FAM222B: variants seen among roughly 807,000 people sequenced by gnomAD.
FAM222B encodes family with sequence similarity 222 member B, also known as protein FAM222B.
A neutral mutation model predicts 38.0 loss-of-function variants in FAM222B; 12 were observed. The ratio of observed to expected loss-of-function variants is 0.32; its 90% CI spans 0.20 to 0.51. The LOEUF (loss-of-function observed/expected upper bound fraction) is 0.51. Among genes scored for constraint, FAM222B ranks in the 20% least tolerant of loss-of-function variants. FAM222B has a pLI of 0.97. For synonymous variants in FAM222B, 329 were observed against 317.2 expected, an observed-to-expected ratio of 1.04 and a Z score of -0.40; for missense variants, 716 against 754.2, an observed-to-expected ratio of 0.95 and a Z score of 0.59.
intron 1 of FAM222B, among the ~76,000 whole-genome samples, chr17:28,841,405 C>T (rs1326544237): frequency 6.6e-6 from 1 of 152,226 alleles, no homozygotes; most frequent in African/African-American, 2.4e-5. Context: ...GACGGAGTCT[C>T]GCACTGTCAC....
chr17:28,839,402 C>T lies in FAM222B; in HGVS notation c.-41+3280G>A, dbSNP rs2038958327. 3.9e-5 allele frequency among the ~76,000 whole-genome samples: 6 copies of T among 152,056 alleles called. No individual in the cohort carries two copies. In the South Asian group the frequency reaches 1.2e-3, roughly 32 times the overall value. The stretch of plus-strand genomic sequence containing the variant: ...GAAAGAAATCCTCATTTTGTAAGGT[C>T]ATTTACTACATAAAAGTAACCACAA... On this transcript the variant is annotated intron_variant, in intron 1 of 2. Transcript: ENST00000581407.
intron 1 of FAM222B, among the ~76,000 whole-genome samples, chr17:28,835,024 T>TTATGTG (rs1167023679): frequency 2.3e-5 from 3 of 132,010 alleles, no homozygotes; most frequent in Admixed American, 1.6e-4. Flanking sequence ...TCAGCTAATT[T>TTATGTG]TGTGTGTGTG....
intron 1 of FAM222B, among the ~76,000 whole-genome samples, chr17:28,786,550 T>G (rs1351515819): frequency 6.6e-6 from 1 of 152,188 alleles, no homozygotes; most frequent in Non-Finnish European, 1.5e-5. Context: ...AACCCTGACT[T>G]TAAGCCTACT....
intron 1 of FAM222B, among the ~76,000 whole-genome samples, chr17:28,813,022 CGGGGGGGGGGGGGG>C (rs71359255): frequency 2.2e-3 from 2 of 894 alleles, no homozygotes; most frequent in South Asian, 0.014. Context: ...AGAAATTAAG[CGGGGGGGGGGGGGG>C]GGGGGAGGGG....
intron 1 of FAM222B, among the ~76,000 whole-genome samples, chr17:28,800,853 G>GGA: frequency 9.0e-6 from 1 of 111,056 alleles, no homozygotes; most frequent in South Asian, 3.0e-4. Flanking sequence ...ACATTTTGTT[G>GGA]AAAAAAAAAA....
chr17:28,817,033 A>C (rs2151938716), intron 1 of FAM222B, among the ~76,000 whole-genome samples: 1 of 152,160 alleles, frequency 6.6e-6, no homozygotes, highest in South Asian at 2.1e-4. Context: ...ATTCTATTAG[A>C]CCCCAGAGAC....
Position 28,789,898 on chromosome 17 carries a change from T to C in FAM222B, c.-40-23191A>G, listed in dbSNP as rs142498246. Among the ~76,000 whole-genome samples, 1,166 of 152,268 alleles carry C rather than the reference T, an allele frequency of 7.7e-3. 9 individuals carry two copies. The highest frequency in any genetic ancestry group is 0.018 in the South Asian group (85 of 4,812). The stretch of plus-strand genomic sequence containing the variant: ...AGACAGAAGTTTACACAGTAGAAAT[T>C]AGAGAAGACATTGAGTGGGTACACT... On this transcript the variant is annotated intron_variant, in intron 1 of 2. Coordinates refer to ENST00000581407, the MANE Select transcript of FAM222B (RefSeq NM_001077498.3).
intron 1 of FAM222B, among the ~76,000 whole-genome samples, chr17:28,792,780 C>CAA (rs71135854): frequency 2.0e-3 from 241 of 122,844 alleles, no homozygotes; most frequent in African/African-American, 6.0e-3. Context: ...GGCCCTATTT[C>CAA]AAAAAAAAAA....
chr17:28,759,633 G>T lies in FAM222B; in HGVS notation c.326C>A (p.Ala109Asp). 6.2e-7 allele frequency: 1 copy of T among 1,613,030 alleles called. No individual in the cohort carries two copies. The highest frequency in any genetic ancestry group is 8.5e-7 in the Non-Finnish European group (1 of 1,179,484). ...GTCAAAGTCCTTGAGTATGCTTTTG[G>T]CTGGCACTTTGACAATGGCAAGCAG... ...AGLLAIVKVP[A>D]KSILKDFDGT... Residue 109 changes from alanine to aspartate, a missense_variant, in exon 3 of 3, where the codon GCC (alanine) becomes GAC (aspartate). Physicochemically the swap from Ala to Asp is moderately radical, Grantham distance 126. Transcript: ENST00000581407. This position sits in a 1 kb window ranked among gnomAD's most constrained non-coding sequence, Gnocchi z 4.8.
At chr17:28,778,071 T>C (rs2035975807) in intron 1 of FAM222B, among the ~76,000 whole-genome samples, 1 of 151,718 alleles carries the variant, frequency 6.6e-6, no homozygotes, top group East Asian at 1.9e-4. Flanking sequence ...AAGTATTATT[T>C]GGCCTCTGTG....
At chr17:28,775,828 C>T (rs960971662) in intron 1 of FAM222B, among the ~76,000 whole-genome samples, 1 of 151,168 alleles carries the variant, frequency 6.6e-6, no homozygotes, top group Non-Finnish European at 1.5e-5. Flanking sequence ...TTGCAGTGAG[C>T]CGAGATGGCG....
chr17:28,785,686 C>A (rs1251960264), intron 1 of FAM222B, among the ~76,000 whole-genome samples: 1 of 152,032 alleles, frequency 6.6e-6, no homozygotes, highest in Non-Finnish European at 1.5e-5. Context: ...CAGGCATGTG[C>A]CACCATGCCC....
intron 1 of FAM222B, among the ~76,000 whole-genome samples, chr17:28,778,718 T>TATATATATATATATA (rs2036023654): frequency 1.3e-5 from 1 of 75,690 alleles, no homozygotes. Context: ...TATATATATA[T>TATATATATATATATA]ATTTTTTTTT....
At chr17:28,844,583 G>A (rs1171598567), upstream of FAM222B, among the ~76,000 whole-genome samples, 1 of 151,896 alleles carries the variant, frequency 6.6e-6, no homozygotes, top group African/African-American at 2.4e-5. Flanking sequence ...GCGTGAACCC[G>A]GGAGGCGGAG....
chr17:28,807,706 T>C (rs1398035927), intron 1 of FAM222B, among the ~76,000 whole-genome samples: 1 of 152,206 alleles, frequency 6.6e-6, no homozygotes, highest in Non-Finnish European at 1.5e-5. Context: ...TCTTAACCTT[T>C]TGTGAGACGT....
Position 28,826,410 on chromosome 17 carries a change from T to A in FAM222B, c.-41+16272A>T, listed in dbSNP as rs575488895. On this transcript the variant is annotated intron_variant, in intron 1 of 2. Coordinates refer to ENST00000581407, the MANE Select transcript of FAM222B (RefSeq NM_001077498.3). ...AAAAAGCTGTCTGTTGCTGGACAGG[T>A]TGGCTCACGCCTGTAATCCCAACAC... 2.6e-5 allele frequency among the ~76,000 whole-genome samples: 4 copies of A among 152,074 alleles called. No individual in the cohort carries two copies. In the South Asian group the frequency reaches 8.3e-4, roughly 32 times the overall value.
Position 28,759,626 on chromosome 17 carries a change from G to A in FAM222B, c.333C>T (p.Ser111=). The A allele has an allele frequency of 6.2e-7, 1 of 1,612,984 alleles. No homozygotes were observed. The highest frequency in any genetic ancestry group is 1.1e-5 in the South Asian group (1 of 90,814). The change falls in exon 3 of 3, where the codon AGC becomes AGT. Residue 111 remains serine, a synonymous_variant. Transcript: ENST00000581407. The surrounding 1 kb of genome is among the most constrained non-coding windows in gnomAD (Gnocchi z 4.8). The part of the protein sequence containing the change: ...LLAIVKVPAK[S]ILKDFDGTRA... ...GGGTGCCGTCAAAGTCCTTGAGTATGCTTTTGGCTGGCACTTTGACAATGG... is the reference window on the plus strand; with the variant it reads ...GGGTGCCGTCAAAGTCCTTGAGTATACTTTTGGCTGGCACTTTGACAATGG...
chr17:28,797,687 A>T (rs1408552009), intron 1 of FAM222B, among the ~76,000 whole-genome samples: 1 of 152,182 alleles, frequency 6.6e-6, no homozygotes, highest in African/African-American at 2.4e-5. Flanking sequence ...GTGCTTTTTC[A>T]CATGATTCTC....
intron 1 of FAM222B, among the ~76,000 whole-genome samples, chr17:28,852,240 G>A (rs1397729125): frequency 7.9e-5 from 12 of 151,522 alleles, no homozygotes; most frequent in Non-Finnish European, 1.2e-4. Context: ...GGTGGTGGGC[G>A]CCTGCAGTCT....
Sources: gnomAD v4.1 joint callset for allele counts (sites outside exome capture counted in the v4.1 genomes callset) on GRCh38, gnomAD v4.1.1 for gene constraint, Gnocchi (gnomAD v3.1) non-coding constraint, MANE v1.5 for transcripts, NCBI Gene and HGNC (gene_info 2026-07-23, HGNC 2026-07-21) for gene names.